LRRC4C: variants seen among roughly 807,000 people sequenced by gnomAD.
The protein encoded by LRRC4C is leucine-rich repeat-containing protein 4C.
A neutral mutation model predicts 33.6 loss-of-function variants in LRRC4C; 5 were observed. That is an observed-to-expected ratio of 0.15 (90% CI 0.08 to 0.31). LRRC4C has a LOEUF of 0.31. Ranked by LOEUF, LRRC4C falls within the 10% of genes least tolerant of loss-of-function variation. The pLI is 1.00. For missense variants in LRRC4C, 560 were observed against 796.7 expected (o/e 0.70, Z 3.58); for synonymous variants, 329 against 302.0 (o/e 1.09, Z -0.93).
intron 3 of LRRC4C, among the ~76,000 whole-genome samples, chr11:40,550,694 A>C (rs1271110355): frequency 1.3e-5 from 2 of 152,158 alleles, no homozygotes; most frequent in African/African-American, 4.8e-5. Context: ...GACACACAGA[A>C]TGGTATTCAG....
chr11:41,092,916 GA>G (rs757362622), intron 1 of LRRC4C, among the ~76,000 whole-genome samples: 2 of 152,134 alleles, frequency 1.3e-5, no homozygotes, highest in Admixed American at 1.3e-4. Context: ...CTAGAATAAA[GA>G]GAAATGAGCA....
At chr11:41,041,305 C>A (rs1857419143) in intron 1 of LRRC4C, among the ~76,000 whole-genome samples, 2 of 152,086 alleles carry the variant, frequency 1.3e-5, no homozygotes, top group South Asian at 4.1e-4. Context: ...GTAAAGATAT[C>A]TTCTCAGAAA....
chr11:40,621,888 T>C (rs781621754), intron 3 of LRRC4C, among the ~76,000 whole-genome samples: 2 of 151,902 alleles, frequency 1.3e-5, no homozygotes, highest in Non-Finnish European at 2.9e-5. Flanking sequence ...ACTTCTATTA[T>C]TCTGATAATG....
intron 3 of LRRC4C, among the ~76,000 whole-genome samples, chr11:40,545,073 T>C (rs1027511640): frequency 2.6e-5 from 4 of 151,988 alleles, no homozygotes; most frequent in Admixed American, 6.6e-5. Flanking sequence ...AAGACCCAGC[T>C]CAAATAGCAC....
intron 3 of LRRC4C, among the ~76,000 whole-genome samples, chr11:40,390,785 G>C (rs1949304274): frequency 6.6e-6 from 1 of 152,182 alleles, no homozygotes; most frequent in Admixed American, 6.5e-5. Flanking sequence ...TGCCTGCCAA[G>C]TGTCAGGAGA....
At chr11:40,822,715 C>G (rs189477336) in intron 2 of LRRC4C, among the ~76,000 whole-genome samples, 6 of 151,664 alleles carry the variant, frequency 4.0e-5, no homozygotes, top group Admixed American at 2.6e-4. Context: ...TTGTCTGTAT[C>G]TTTGAGGTCT....
chr11:40,864,530 C>A (rs887805919), intron 2 of LRRC4C, among the ~76,000 whole-genome samples: 2 of 152,198 alleles, frequency 1.3e-5, no homozygotes, highest in African/African-American at 4.8e-5. Context: ...TATGTATTAT[C>A]TGGTCTTACA....
intron 1 of LRRC4C, among the ~76,000 whole-genome samples, chr11:41,415,990 T>G (rs1438359035): frequency 6.6e-6 from 1 of 151,996 alleles, no homozygotes; most frequent in African/African-American, 2.4e-5. Flanking sequence ...TCTCTCTCTC[T>G]TTGAGCTTCT....
At chr11:41,095,863 C>T (rs1940774940) in intron 1 of LRRC4C, among the ~76,000 whole-genome samples, 1 of 152,100 alleles carries the variant, frequency 6.6e-6, no homozygotes, top group Non-Finnish European at 1.5e-5. Context: ...TTGATTCAAA[C>T]CTCAAGGTGA....
intron 1 of LRRC4C, among the ~76,000 whole-genome samples, chr11:41,277,270 T>C (rs567119133): frequency 4.6e-5 from 7 of 152,300 alleles, no homozygotes; most frequent in Non-Finnish European, 7.4e-5. Flanking sequence ...CTTTATGCAG[T>C]CTTTAACTCA....
At chr11:41,023,933 A>G (rs185403905) in intron 1 of LRRC4C, among the ~76,000 whole-genome samples, 5 of 151,902 alleles carry the variant, frequency 3.3e-5, no homozygotes, top group Admixed American at 3.3e-4. Flanking sequence ...AAACTAATGG[A>G]ATATTCATCA....
At chr11:41,351,191 C>A (rs1418993923) in intron 1 of LRRC4C, among the ~76,000 whole-genome samples, 2 of 151,800 alleles carry the variant, frequency 1.3e-5, no homozygotes, top group Non-Finnish European at 2.9e-5. Context: ...TATGTATGAT[C>A]ATGCCACTGC....
intron 3 of LRRC4C, among the ~76,000 whole-genome samples, chr11:40,580,188 A>T (rs1380671147): frequency 2.6e-5 from 4 of 152,110 alleles, no homozygotes; most frequent in Non-Finnish European, 5.9e-5. Context: ...GATAAATAAA[A>T]GAGGTTTAAT....
chr11:40,510,738 T>A lies in LRRC4C; in HGVS notation c.-270+137404A>T, dbSNP rs138515128. Among the ~76,000 whole-genome samples, 642 of 152,244 alleles carry A rather than the reference T, an allele frequency of 4.2e-3. 9 individuals are homozygous for A. Among genetic ancestry groups the A allele is most frequent in the Admixed American group, 0.023 (353 of 15,288 alleles). ...CTTGTCACCCACCTAGTTGCCTCAGTTGATATACATGGGAAAACCATTGCA... is the reference window on the plus strand; with the variant it reads ...CTTGTCACCCACCTAGTTGCCTCAGATGATATACATGGGAAAACCATTGCA... On this transcript the variant is annotated intron_variant, in intron 3 of 6. Coordinates refer to ENST00000528697, the MANE Select transcript of LRRC4C (RefSeq NM_001258419.2).
chr11:41,076,134 T>C (rs1408924687), intron 1 of LRRC4C, among the ~76,000 whole-genome samples: 3 of 152,174 alleles, frequency 2.0e-5, no homozygotes, highest in African/African-American at 7.2e-5. Context: ...ATTATTAGGA[T>C]TGCCACATTT....
At chr11:41,066,073 A>T (rs1259667954) in intron 1 of LRRC4C, among the ~76,000 whole-genome samples, 5 of 152,226 alleles carry the variant, frequency 3.3e-5, no homozygotes, top group Non-Finnish European at 7.3e-5. Context: ...AAGATGGACA[A>T]ATTGACAGAA....
intron 3 of LRRC4C, among the ~76,000 whole-genome samples, chr11:40,630,045 C>T (rs1378128582): frequency 6.6e-6 from 1 of 151,932 alleles, no homozygotes; most frequent in Admixed American, 6.6e-5. Context: ...AATAAATAAT[C>T]TCCAATATCA....
At chr11:40,253,752 C>T (rs1278918215) in intron 4 of LRRC4C, among the ~76,000 whole-genome samples, 4 of 152,144 alleles carry the variant, frequency 2.6e-5, no homozygotes, top group African/African-American at 7.2e-5. Context: ...CTGAGGGAAC[C>T]TATGCAAGTC....
intron 5 of LRRC4C, among the ~76,000 whole-genome samples, chr11:40,171,681 T>C (rs955128702): frequency 6.6e-6 from 1 of 152,138 alleles, no homozygotes; most frequent in East Asian, 1.9e-4. Context: ...AGAAGGAGCT[T>C]GTGCTTAATC....
Sources: gnomAD v4.1 joint callset for allele counts (sites outside exome capture counted in the v4.1 genomes callset) on GRCh38, gnomAD v4.1.1 for gene constraint, MANE v1.5 for transcripts, NCBI Gene and HGNC (gene_info 2026-07-23, HGNC 2026-07-21) for gene names.